TRPM3: variants seen among roughly 807,000 people sequenced by gnomAD.
TRPM3 encodes long transient receptor potential channel 3.
In TRPM3, 77 loss-of-function variants were observed where a neutral mutation model predicts 181.2. That is an observed-to-expected ratio of 0.42 (90% confidence interval 0.35 to 0.51). TRPM3 has a LOEUF of 0.51. TRPM3 is among the 20% of genes least tolerant of loss of function. The pLI is 0.01. For synonymous variants in TRPM3, 745 were observed against 796.4 expected (o/e 0.94, Z 1.09); for missense variants, 1,759 against 2,196.7 (o/e 0.80, Z 3.98).
At chr9:70,819,321 T>C (rs1313224879) in intron 6 of TRPM3, among the ~76,000 whole-genome samples, 3 of 152,150 alleles carry the variant, frequency 2.0e-5, no homozygotes, top group African/African-American at 7.2e-5. Flanking sequence ...GATATATAGG[T>C]GTGTTGGCTT....
chr9:70,655,320 A>AAAG (rs2060182078), intron 9 of TRPM3, among the ~76,000 whole-genome samples: 2 of 150,618 alleles, frequency 1.3e-5, no homozygotes, highest in Admixed American at 1.3e-4. Flanking sequence ...AAAAAAAAAA[A>AAAG]AAAAAAAAAA....
chr9:71,095,011 A>G (rs1050046075), intron 1 of TRPM3, among the ~76,000 whole-genome samples: 24 of 152,304 alleles, frequency 1.6e-4, no homozygotes, highest in African/African-American at 5.8e-4. Flanking sequence ...AGCATACTCC[A>G]TCCAAAACAA....
chr9:70,554,350 G>T (rs1240866612), intron 22 of TRPM3, among the ~76,000 whole-genome samples: 2 of 152,170 alleles, frequency 1.3e-5, no homozygotes, highest in African/African-American at 4.8e-5. Context: ...TGGTTGGGGG[G>T]AGTGGGAGGA....
chr9:70,912,518 C>T (rs1324577979), intron 1 of TRPM3, among the ~76,000 whole-genome samples: 1 of 152,172 alleles, frequency 6.6e-6, no homozygotes, highest in African/African-American at 2.4e-5. Flanking sequence ...CTTAGCCTAG[C>T]TTCTCAGATA....
intron 1 of TRPM3, among the ~76,000 whole-genome samples, chr9:71,323,092 C>T (rs185282381): frequency 1.2e-4 from 19 of 152,080 alleles, no homozygotes; most frequent in Middle Eastern, 3.4e-3. Flanking sequence ...ACACTAACAC[C>T]CCATCTTTTT....
At position 71,121,422 on chromosome 9, in the gene TRPM3, C is replaced by A; in HGVS notation, c.-68G>T. 1.3e-6 allele frequency: 2 copies of A among 1,561,558 alleles called. No individual in the cohort carries two copies. The highest frequency in any genetic ancestry group is 2.4e-5 in the South Asian group (2 of 82,360). ...GCTTCCTGGAACTTGGAAGACTAGTCAAGTAGCCTTGCCTGAGCCCCTGAA... is the reference window on the plus strand; with the variant it reads ...GCTTCCTGGAACTTGGAAGACTAGTAAAGTAGCCTTGCCTGAGCCCCTGAA... On this transcript the variant is annotated 5_prime_UTR_variant, in exon 1 of 26. An upstream open reading frame in the 5' UTR loses its in-frame stop. Coordinates refer to ENST00000677713, the MANE Select transcript of TRPM3 (RefSeq NM_001366145.2).
chr9:70,538,334 T>C (rs1416856264), intron 25 of TRPM3, among the ~76,000 whole-genome samples: 1 of 152,240 alleles, frequency 6.6e-6, no homozygotes, highest in African/African-American at 2.4e-5. Flanking sequence ...TCTCACTTTG[T>C]TGCCCAGGCT....
At chr9:71,411,651 T>C (rs2093552189) in intron 1 of TRPM3, among the ~76,000 whole-genome samples, 1 of 152,010 alleles carries the variant, frequency 6.6e-6, no homozygotes, top group Non-Finnish European at 1.5e-5. Context: ...AGAATCAATA[T>C]CACGAAAATG....
intron 1 of TRPM3, among the ~76,000 whole-genome samples, chr9:71,310,613 AG>A (rs549432053): frequency 7.2e-5 from 11 of 152,102 alleles, no homozygotes; most frequent in East Asian, 5.8e-4. Flanking sequence ...TTCTCACCCA[AG>A]GGGGGTGTCT....
At chr9:70,606,492 A>G (rs2061145656) in intron 19 of TRPM3, among the ~76,000 whole-genome samples, 1 of 152,168 alleles carries the variant, frequency 6.6e-6, no homozygotes, top group Non-Finnish European at 1.5e-5. Flanking sequence ...CTCTCAAAAT[A>G]CAGACTTCTG....
chr9:70,598,804 G>A, intron 20 of TRPM3, 134 bp from the exon 21 acceptor site: 1 of 1,088,598 alleles, frequency 9.2e-7, no homozygotes, highest in Non-Finnish European at 1.3e-6. Flanking sequence ...ATACTTGCAT[G>A]CTGTAAAAGT....
intron 1 of TRPM3, among the ~76,000 whole-genome samples, chr9:71,020,842 A>C (rs557890560): frequency 6.6e-6 from 1 of 152,216 alleles, no homozygotes; most frequent in East Asian, 1.9e-4. Context: ...AAATTCTCAT[A>C]GTCTACAGTA....
At chr9:71,218,256 T>C (rs2080019578) in intron 1 of TRPM3, among the ~76,000 whole-genome samples, 1 of 152,188 alleles carries the variant, frequency 6.6e-6, no homozygotes, top group South Asian at 2.1e-4. Flanking sequence ...ATCTCAGATA[T>C]ACAGACTCAA....
Position 70,565,524 on chromosome 9 carries a change from C to T in TRPM3, c.3224-12214G>A, listed in dbSNP as rs187903300. Among the ~76,000 whole-genome samples, 1,054 of 152,070 alleles carry T rather than the reference C, an allele frequency of 6.9e-3. 7 individuals carry two copies. The highest frequency in any genetic ancestry group is 0.024 in the Middle Eastern group (7 of 292). ...GTCAGGCTGGTCTCGAACCGCTGAC[C>T]TCATGTGATCCACCCACCTTGGCCT... is the stretch of plus-strand genomic sequence containing the variant. On this transcript the variant is annotated intron_variant, in intron 22 of 25. Transcript: ENST00000677713.
chr9:71,112,371 A>G (rs2071311144), intron 1 of TRPM3, among the ~76,000 whole-genome samples: 1 of 152,170 alleles, frequency 6.6e-6, no homozygotes, highest in African/African-American at 2.4e-5. Context: ...ACCTACAAAG[A>G]TTCTTCCTTG....
intron 8 of TRPM3, among the ~76,000 whole-genome samples, chr9:70,686,472 T>C (rs1373950941): frequency 1.3e-5 from 2 of 152,226 alleles, no homozygotes; most frequent in African/African-American, 4.8e-5. Context: ...ATTCTGATTT[T>C]ACTCTCAGGG....
chr9:71,330,036 A>G (rs937833906), intron 1 of TRPM3, among the ~76,000 whole-genome samples: 1 of 148,188 alleles, frequency 6.7e-6, no homozygotes, highest in Admixed American at 6.7e-5. Context: ...ACAATAGAAG[A>G]AAGCCAAACC....
intron 1 of TRPM3, among the ~76,000 whole-genome samples, chr9:71,290,870 A>C (rs992904869): frequency 2.0e-5 from 3 of 149,290 alleles, no homozygotes; most frequent in African/African-American, 7.4e-5. Context: ...ATCTAAACTA[A>C]TGGAGAAGAA....
chr9:71,276,895 T>C (rs371023564), intron 1 of TRPM3, among the ~76,000 whole-genome samples: 2 of 152,302 alleles, frequency 1.3e-5, no homozygotes, highest in South Asian at 2.1e-4. Context: ...GAAAACCCCA[T>C]GTGTGCCTCA....
Sources: allele counts gnomAD v4.1 joint callset (sites outside exome capture counted in the v4.1 genomes callset), GRCh38; gene constraint gnomAD v4.1.1; transcripts MANE v1.5; gene names NCBI Gene and HGNC (gene_info 2026-07-23, HGNC 2026-07-21).